HDAC2: variants seen among roughly 807,000 people sequenced by gnomAD.
HDAC2 encodes the protein histone deacetylase 2, also known as YY1-associated factor 1.
HDAC2 carries 5 observed loss-of-function variants against 68.5 expected under a neutral mutation model. The observed-to-expected ratio is 0.07, with a 90% CI of 0.04 to 0.15. The LOEUF (loss-of-function observed/expected upper bound fraction) is 0.15, where lower values mean the gene tolerates loss of function less well. Among genes scored for constraint, HDAC2 ranks in the 10% least tolerant of loss-of-function variants. The probability of loss-of-function intolerance (pLI) is 1.00; values close to 1 mark genes in which losing one functional copy is unlikely to be tolerated. For synonymous variants in HDAC2, 182 were observed against 191.3 expected (o/e 0.95, Z 0.40); for missense variants, 291 against 600.8 (o/e 0.48, Z 5.39).
In HDAC2 at chr6:113,966,142, G is replaced by C. The variant is rs193018390; in HGVS notation, c.52+4715C>G. ...GACTGCACCAAACAAATGTGAATCTGTTTTCATCTAAACAATACCAAAAAT... is the reference window on the plus strand; with the variant it reads ...GACTGCACCAAACAAATGTGAATCTCTTTTCATCTAAACAATACCAAAAAT... On this transcript the variant is annotated intron_variant, in intron 1 of 13. Coordinates refer to ENST00000519065, the MANE Select transcript of HDAC2 (RefSeq NM_001527.4). Among the ~76,000 whole-genome samples the C allele has an allele frequency of 1.5e-4, 23 of 152,310 alleles. 1 individual carries two copies. The highest frequency in any genetic ancestry group is 7.2e-4 in the Admixed American group (11 of 15,292).
rs527646902 is a variant in HDAC2 at position 113,937,784 on chromosome 6, C to T, written c.*3274G>A. The T allele has an allele frequency of 6.6e-6, 1 of 152,048 alleles. No homozygotes were observed. Among genetic ancestry groups the T allele is most frequent in the Non-Finnish European group, 1.5e-5 (1 of 68,026 alleles). The allele number at this position is 152,048 out of a possible 1,614,324, so 9.4% of individuals were successfully genotyped here. A position where few individuals can be genotyped will look rare whatever the true frequency, so the allele number is the denominator to read the frequency against. On this transcript the variant is annotated 3_prime_UTR_variant, in exon 14 of 14. Transcript: ENST00000519065. The stretch of plus-strand genomic sequence containing the variant: ...GGAGAATACCCTAAGCCTAGAAGTT[C>T]TAAGATGTAGTGAGATATGATCAGG...
At chr6:113,947,505 T>C (rs1189389325) in intron 8 of HDAC2, 1 of 152,132 alleles carries the variant, frequency 6.6e-6, no homozygotes, top group Non-Finnish European at 1.5e-5. Context: ...ACAAAGTAAA[T>C]TTTTTTCTAA....
In HDAC2 at chr6:113,935,900, C is replaced by A. The variant is rs1775989191; in HGVS notation, c.*5158G>T. The A allele has an allele frequency of 6.6e-6, 1 of 152,110 alleles. No individual in the cohort carries two copies. Among genetic ancestry groups the A allele is most frequent in the Non-Finnish European group, 1.5e-5 (1 of 68,016 alleles). 9.4% of individuals were successfully genotyped at this position (152,110 alleles called of 1,614,324 possible). On this transcript the variant is annotated 3_prime_UTR_variant, in exon 14 of 14. Coordinates refer to ENST00000519065, the MANE Select transcript of HDAC2 (RefSeq NM_001527.4). ...AGTCGTGGAACAAGCACCCAATGCC[C>A]CTGAATATTAACTTCACTATAACTA...
At chr6:113,946,974 T>C (rs1776277654) in intron 8 of HDAC2, 1 of 152,148 alleles carries the variant, frequency 6.6e-6, no homozygotes, top group Non-Finnish European at 1.5e-5. Flanking sequence ...TTTCCTTCCA[T>C]TTCAGAGTTA....
Position 113,941,718 on chromosome 6 carries a change from CTG to C in HDAC2, c.1424_1425del (p.Thr475ArgfsTer26). The C allele has an allele frequency of 7.1e-7, 1 of 1,404,320 alleles. No individual in the cohort carries two copies. The highest frequency in any genetic ancestry group is 1.3e-5 in the South Asian group (1 of 75,558). The allele number at this position is 1,404,320 out of a possible 1,614,324, so 87.0% of individuals were successfully genotyped here. ...AGGAACATCATTTACCCTTTGGTAT[CTG>C]TTTTTTCACCACTGTTGTCCTTGGA... ...DKSKDNSGEK[T>X]DTKGTKSEQL... On this transcript the variant is annotated frameshift_variant, in exon 13 of 14. Transcript: ENST00000519065. LOFTEE classifies it high-confidence loss of function.
chr6:113,939,331 T>G lies in HDAC2; in HGVS notation c.*1727A>C, dbSNP rs1284476672. On this transcript the variant is annotated 3_prime_UTR_variant, in exon 14 of 14. Transcript: ENST00000519065. ...GGGAGGGGGGCGAGGGATAAAAGAT[T>G]ACAAATAGGGTGCAGTGTACACTGC... The G allele has an allele frequency of 6.6e-6, 1 of 152,048 alleles. No individual in the cohort carries two copies. Among genetic ancestry groups the G allele is most frequent in the Non-Finnish European group, 1.5e-5 (1 of 68,020 alleles). 9.4% of individuals were successfully genotyped at this position (152,048 alleles called of 1,614,324 possible).
At position 113,938,185 on chromosome 6, in the gene HDAC2, C is replaced by G. The variant is rs762809552; in HGVS notation, c.*2873G>C. 5 of 152,134 alleles carry G rather than the reference C, an allele frequency of 3.3e-5. No individual in the cohort carries two copies. The highest frequency in any genetic ancestry group is 7.4e-5 in the Non-Finnish European group (5 of 68,012). The allele number at this position is 152,134 out of a possible 1,614,324, so 9.4% of individuals were successfully genotyped here. A position where few individuals can be genotyped will look rare whatever the true frequency, so the allele number is the denominator to read the frequency against. On this transcript the variant is annotated 3_prime_UTR_variant, in exon 14 of 14. Transcript: ENST00000519065. ...AAATAAACATAATAGGTTTAAAAAA[C>G]TAAGTTAAAAAATAAGTCTCTCTAT...
chr6:113,970,956 T>G lies in HDAC2; in HGVS notation c.-48A>C, dbSNP rs761884760. On this transcript the variant is annotated 5_prime_UTR_variant, in exon 1 of 14. Coordinates refer to ENST00000519065, the MANE Select transcript of HDAC2 (RefSeq NM_001527.4). ...ACCGGGCTCCTCCTCCTGCTGCTGC[T>G]GCTGCTGCTGCTGCCGCCGCGGCTC... 1 of 1,560,740 alleles carries G rather than the reference T, an allele frequency of 6.4e-7. No homozygotes were observed.
intron 8 of HDAC2, chr6:113,948,765 T>TA (rs1420080939): frequency 2.1e-6 from 1 of 469,364 alleles, no homozygotes. Flanking sequence ...CAATAAACCT[T>TA]AAAAAACTAG....
chr6:113,953,534 C>G (rs750214456), intron 5 of HDAC2, 116 bp from the exon 6 acceptor site: 1 of 616,584 alleles, frequency 1.6e-6, no homozygotes, highest in Non-Finnish European at 2.8e-6. Context: ...GTTTAATCAC[C>G]TTTTACATTC....
At chr6:113,956,741 G>A (rs1776562700) in intron 3 of HDAC2, 48 bp from the exon 4 acceptor site, 3 of 1,361,180 alleles carry the variant, frequency 2.2e-6, no homozygotes, top group Non-Finnish European at 3.1e-6. Flanking sequence ...GCAAATTAAT[G>A]AAAGCCTTTT....
chr6:113,945,672 A>G (rs551143004), intron 9 of HDAC2, among the ~76,000 whole-genome samples: 13 of 152,336 alleles, frequency 8.5e-5, no homozygotes, highest in African/African-American at 3.1e-4. Context: ...ACAGTCTCTG[A>G]CTTTCAATGG....
intron 1 of HDAC2, among the ~76,000 whole-genome samples, chr6:113,960,924 A>T (rs1037612128): frequency 1.2e-4 from 18 of 152,080 alleles, no homozygotes; most frequent in Admixed American, 3.3e-4. Flanking sequence ...TCTTCCCCTA[A>T]ATCATACAGT....
At chr6:113,943,663 T>C (rs1314404773) in intron 11 of HDAC2, among the ~76,000 whole-genome samples, 157 bp from the exon 12 acceptor site, 1 of 152,208 alleles carries the variant, frequency 6.6e-6, no homozygotes, top group African/African-American at 2.4e-5. Context: ...AATGAATGGT[T>C]TATTTAATAT....
chr6:113,935,948 A>G lies in HDAC2; in HGVS notation c.*5110T>C, dbSNP rs1429178272. The G allele has an allele frequency of 1.3e-5, 2 of 152,222 alleles. No individual in the cohort carries two copies. Among genetic ancestry groups the G allele is most frequent in the Non-Finnish European group, 2.9e-5 (2 of 68,036 alleles). 9.4% of individuals were successfully genotyped at this position (152,222 alleles called of 1,614,324 possible). On this transcript the variant is annotated 3_prime_UTR_variant, in exon 14 of 14. Transcript: ENST00000519065. ...CTATAATTCCTAGAAATAAATTTCA[A>G]TTCTTTCCCATTCTGTATACTAACT...
intron 1 of HDAC2, among the ~76,000 whole-genome samples, chr6:113,965,557 G>C (rs1489241864): frequency 6.6e-6 from 1 of 152,062 alleles, no homozygotes; most frequent in Non-Finnish European, 1.5e-5. Context: ...ATTTTTAGTA[G>C]AGAGAGGGTT....
chr6:113,943,301 A>T, intron 12 of HDAC2, 50 bp downstream of exon 12: 1 of 1,487,730 alleles, frequency 6.7e-7, no homozygotes, highest in Non-Finnish European at 9.2e-7. Flanking sequence ...AATGCAGCCC[A>T]ATTTTTAAAA....
intron 1 of HDAC2, chr6:113,970,565 G>C (rs1464738795): frequency 1.6e-6 from 2 of 1,247,794 alleles, no homozygotes; most frequent in East Asian, 3.5e-5. Context: ...GGGTAGGCCG[G>C]CGCCGTCCCC....
chr6:113,967,990 G>C (rs1582501398), intron 1 of HDAC2, among the ~76,000 whole-genome samples: 1 of 152,144 alleles, frequency 6.6e-6, no homozygotes, highest in Admixed American at 6.5e-5. Context: ...GTTCCCTTGG[G>C]ACCAACGTTT....
Sources: gnomAD v4.1 joint callset for allele counts (sites outside exome capture counted in the v4.1 genomes callset) on GRCh38, gnomAD v4.1.1 for gene constraint, MANE v1.5 for transcripts, NCBI Gene and HGNC (gene_info 2026-07-23, HGNC 2026-07-21) for gene names.